SLC5A4: variants seen among roughly 807,000 people sequenced by gnomAD.
SLC5A4 encodes the protein solute carrier family 5 member 4, also known as probable glucose sensor protein SLC5A4.
SLC5A4 carries 55 observed loss-of-function variants against 70.3 expected under a neutral mutation model. The ratio of observed to expected loss-of-function variants is 0.78; its 90% confidence interval spans 0.63 to 0.98. The LOEUF is 0.98. Ranked by LOEUF, SLC5A4 falls within the 50% of genes least tolerant of loss-of-function variation. SLC5A4 has a pLI of 0.00. For synonymous variants in SLC5A4, 268 were observed against 305.7 expected (o/e 0.88, Z 1.29); for missense variants, 735 against 839.2 (o/e 0.88, Z 1.53).
the SLC5A4 span, among the ~76,000 whole-genome samples, chr22:32,319,573 C>T: frequency 6.6e-6 from 1 of 152,152 alleles, no homozygotes; most frequent in Non-Finnish European, 1.5e-5. Context: ...GAGCCAATTA[C>T]CTACAGTGTG....
chr22:32,246,225 A>G (rs1236192084), intron 5 of SLC5A4, among the ~76,000 whole-genome samples: 1 of 152,204 alleles, frequency 6.6e-6, no homozygotes, highest in Non-Finnish European at 1.5e-5. Context: ...ACAAAGCTCA[A>G]TAATATGCAG....
At chr22:32,325,840 G>T in the SLC5A4 span, among the ~76,000 whole-genome samples, 2 of 152,238 alleles carry the variant, frequency 1.3e-5, no homozygotes, top group African/African-American at 4.8e-5. Flanking sequence ...GCTAGCAGTG[G>T]AGCTTGGCCT....
chr22:32,311,682 G>T, the SLC5A4 span, among the ~76,000 whole-genome samples: 1 of 152,020 alleles, frequency 6.6e-6, no homozygotes, highest in African/African-American at 2.4e-5. Context: ...CTCCCCAGGG[G>T]CAGAGATGAG....
At chr22:32,268,643 T>C in the SLC5A4 span, 1 of 152,222 alleles carries the variant, frequency 6.6e-6, no homozygotes, top group Non-Finnish European at 1.5e-5. Context: ...CCATTCAAAA[T>C]GTTCTCCATT....
the SLC5A4 span, among the ~76,000 whole-genome samples, chr22:32,311,291 A>C: frequency 6.6e-6 from 1 of 152,140 alleles, no homozygotes; most frequent in Non-Finnish European, 1.5e-5. Flanking sequence ...ATGGATGGGC[A>C]GTCAGTGTGA....
Position 32,235,033 on chromosome 22 carries a change from G to A in SLC5A4, c.725C>T (p.Ser242Phe). The part of the protein sequence containing the change: ...FTEKYVNATP[S>F]VVEGDNLTIS... Reference sequence around the variant, plus strand: ...TGTCAAGTTGTCCCCCTCGACTACGGATGGGGTGGCATTCACGTACTTCTC... The same window carrying A: ...TGTCAAGTTGTCCCCCTCGACTACGAATGGGGTGGCATTCACGTACTTCTC... Residue 242 changes from serine (S) to phenylalanine (F), a missense_variant, in exon 8 of 15, where the codon TCC (serine) becomes TTC (phenylalanine). Coordinates refer to ENST00000266086, the MANE Select transcript of SLC5A4 (RefSeq NM_014227.3). 1 of 1,613,918 alleles carries A rather than the reference G, an allele frequency of 6.2e-7. No homozygotes were observed. Among genetic ancestry groups the A allele is most frequent in the African/African-American group, 1.3e-5 (1 of 74,890 alleles).
At chr22:32,270,544 G>A in the SLC5A4 span, 2 of 717,506 alleles carry the variant, frequency 2.8e-6, no homozygotes, top group Admixed American at 1.9e-5. Flanking sequence ...GAGCCAGGAA[G>A]ACTCAACCAT....
chr22:32,221,015 C>CG lies in SLC5A4; in HGVS notation c.1672dup (p.Arg558ProfsTer28). On this transcript the variant is annotated frameshift_variant, in exon 14 of 15. Transcript: ENST00000266086. LOFTEE classifies it high-confidence loss of function. ...ACTGTTCCGAAGAACCCAGCACAGGCGGTACAGCTGAACAGGGACCATACA... is the reference window on the plus strand; with the variant it reads ...ACTGTTCCGAAGAACCCAGCACAGGCGGGTACAGCTGAACAGGGACCATACA... The CG allele has an allele frequency of 6.2e-7, 1 of 1,611,252 alleles. No individual in the cohort carries two copies. Among genetic ancestry groups the CG allele is most frequent in the Middle Eastern group, 1.7e-4 (1 of 6,054 alleles).
the SLC5A4 span, among the ~76,000 whole-genome samples, chr22:32,308,581 C>A: frequency 1.3e-5 from 2 of 152,202 alleles, no homozygotes; most frequent in Non-Finnish European, 2.9e-5. Context: ...CCTGTTAACC[C>A]CCATTCCTGG....
the SLC5A4 span, among the ~76,000 whole-genome samples, chr22:32,300,153 C>T: frequency 1.3e-5 from 2 of 152,204 alleles, no homozygotes; most frequent in East Asian, 3.9e-4. Flanking sequence ...CAGAGGCAGG[C>T]AGGCCTCCTT....
chr22:32,343,894 C>T, the SLC5A4 span, among the ~76,000 whole-genome samples: 3 of 152,170 alleles, frequency 2.0e-5, no homozygotes, highest in Admixed American at 2.0e-4. Context: ...TTGAACTCAT[C>T]CCTGGCATTA....
At chr22:32,314,898 T>A in the SLC5A4 span, among the ~76,000 whole-genome samples, 1 of 152,172 alleles carries the variant, frequency 6.6e-6, no homozygotes, top group South Asian at 2.1e-4. Context: ...GAAAACAGCA[T>A]GGGAAAGACT....
At chr22:32,284,826 G>A in the SLC5A4 span, 1 of 152,166 alleles carries the variant, frequency 6.6e-6, no homozygotes, top group Non-Finnish European at 1.5e-5. Flanking sequence ...CCAAGCCCTT[G>A]ATCATGTGGC....
chr22:32,263,922 C>G, the SLC5A4 span, among the ~76,000 whole-genome samples: 1 of 152,080 alleles, frequency 6.6e-6, no homozygotes, highest in Non-Finnish European at 1.5e-5. Context: ...AGCTGGGAAC[C>G]ATCATTCTCA....
At chr22:32,316,934 C>CTGTGTGTGTGTGTGTGTGTG in the SLC5A4 span, among the ~76,000 whole-genome samples, 999 of 148,700 alleles carry the variant, frequency 6.7e-3, 10 homozygotes, top group African/African-American at 0.014. Flanking sequence ...ATTAACAACT[C>CTGTGTGTGTGTGTGTGTGTG]TGTGTGTGTG....
At chr22:32,250,617 A>G (rs1927084005) in intron 3 of SLC5A4, among the ~76,000 whole-genome samples, 1 of 152,238 alleles carries the variant, frequency 6.6e-6, no homozygotes, top group Non-Finnish European at 1.5e-5. Context: ...ATATACCCAA[A>G]GGATTATAAA....
the SLC5A4 span, among the ~76,000 whole-genome samples, chr22:32,294,255 T>C: frequency 9.8e-5 from 15 of 152,348 alleles, no homozygotes; most frequent in East Asian, 2.9e-3. Flanking sequence ...TTTTATCCCC[T>C]GCTCTTCATT....
chr22:32,319,583 G>A, the SLC5A4 span, among the ~76,000 whole-genome samples: 1 of 152,136 alleles, frequency 6.6e-6, no homozygotes, highest in Non-Finnish European at 1.5e-5. Context: ...CCTACAGTGT[G>A]TGTCTTCATA....
chr22:32,325,848 C>G, the SLC5A4 span, among the ~76,000 whole-genome samples: 1 of 152,234 alleles, frequency 6.6e-6, no homozygotes, highest in African/African-American at 2.4e-5. Flanking sequence ...TGGAGCTTGG[C>G]CTGTGCTGCT....
Sources: allele counts gnomAD v4.1 joint callset (sites outside exome capture counted in the v4.1 genomes callset), GRCh38; gene constraint gnomAD v4.1.1; transcripts MANE v1.5; gene names NCBI Gene and HGNC (gene_info 2026-07-23, HGNC 2026-07-21).